Variants in RUNX1T1 observed in about 807,000 individuals in gnomAD.
RUNX1T1 encodes RUNX1 partner transcriptional co-repressor 1.
RUNX1T1 carries 4 observed loss-of-function variants against 62.8 expected under a neutral mutation model. The ratio of observed to expected loss-of-function variants is 0.06; its 90% CI spans 0.03 to 0.15. The LOEUF is 0.15. RUNX1T1 is among the 10% of genes least tolerant of loss of function. RUNX1T1 has a pLI of 1.00. For missense variants in RUNX1T1, 508 were observed against 754.3 expected, an observed-to-expected ratio of 0.67 and a Z score of 3.82; for synonymous variants, 291 against 286.0, an observed-to-expected ratio of 1.02 and a Z score of -0.18.
chr8:92,095,495 G>A, intron 1 of RUNX1T1: 2 of 1,521,068 alleles, frequency 1.3e-6, no homozygotes, highest in Non-Finnish European at 1.8e-6. Flanking sequence ...GTGAGCGCAG[G>A]AGGGAGAGGA....
chr8:92,009,641 G>C (rs1821553069), intron 4 of RUNX1T1: 2 of 142,086 alleles, frequency 1.4e-5, no homozygotes, highest in East Asian at 4.1e-4. Context: ...AGTGGTATTT[G>C]CACAGGAAAT....
downstream of RUNX1T1, chr8:91,954,973 T>C (rs914309630): frequency 5.2e-6 from 1 of 190,698 alleles, no homozygotes; most frequent in East Asian, 8.3e-5. Context: ...AGGACATGAT[T>C]AGGCAAACAC....
Position 91,982,536 on chromosome 8 carries a change from G to A in RUNX1T1, c.1198+3588C>T, listed in dbSNP as rs527328433. The stretch of plus-strand genomic sequence containing the variant: ...CAACTGCCTTTCTATACATATAAAA[G>A]TAATTCTACTTCAATGGTCAAATCT... On this transcript the variant is annotated intron_variant, in intron 8 of 10. Transcript: ENST00000396218. Among the ~76,000 whole-genome samples the A allele has an allele frequency of 9.9e-5, 15 of 152,272 alleles. No individual in the cohort carries two copies. The South Asian group carries it at 3.1e-3, about 32-fold the overall frequency.
At chr8:92,094,664 C>T (rs1275575332) in intron 1 of RUNX1T1, among the ~76,000 whole-genome samples, 1 of 152,154 alleles carries the variant, frequency 6.6e-6, no homozygotes. Context: ...AAAGCCTTTA[C>T]CCTCTTTTCT....
chr8:91,995,209 AT>A (rs1354528327), intron 5 of RUNX1T1, among the ~76,000 whole-genome samples: 2 of 152,186 alleles, frequency 1.3e-5, no homozygotes, highest in Admixed American at 6.5e-5. Flanking sequence ...CACTGGAGTA[AT>A]TTTAATAATT....
At chr8:92,087,119 A>G (rs542750045) in intron 1 of RUNX1T1, among the ~76,000 whole-genome samples, 1 of 152,188 alleles carries the variant, frequency 6.6e-6, no homozygotes, top group Non-Finnish European at 1.5e-5. Flanking sequence ...ATAAAAGCAG[A>G]GCTATTCTGC....
chr8:92,024,066 T>G (rs1277561461), intron 1 of RUNX1T1, among the ~76,000 whole-genome samples: 3 of 152,198 alleles, frequency 2.0e-5, no homozygotes, highest in African/African-American at 4.8e-5. Flanking sequence ...CTCATTCTAG[T>G]GAATACGAGG....
chr8:91,963,402 A>G (rs1810937790), intron 10 of RUNX1T1, among the ~76,000 whole-genome samples: 1 of 152,266 alleles, frequency 6.6e-6, no homozygotes, highest in Non-Finnish European at 1.5e-5. Context: ...GTGAATGTGT[A>G]GGGAACTTTA....
intron 4 of RUNX1T1, chr8:92,006,342 C>T (rs192282841): frequency 6.6e-6 from 1 of 152,068 alleles, no homozygotes; most frequent in Non-Finnish European, 1.5e-5. Flanking sequence ...AGCACTCATC[C>T]CCAATCACAC....
chr8:92,060,553 A>ATATATATATATATGTG, intron 1 of RUNX1T1, among the ~76,000 whole-genome samples: 3 of 63,944 alleles, frequency 4.7e-5, no homozygotes, highest in African/African-American at 1.2e-4. Context: ...ATATATATAT[A>ATATATATATATATGTG]TGTGTGTGTG....
chr8:92,028,196 CT>C (rs201238471), intron 1 of RUNX1T1, among the ~76,000 whole-genome samples: 1,379 of 118,768 alleles, frequency 0.012, 7 homozygotes, highest in East Asian at 0.044. Context: ...ATTAGTAATT[CT>C]TTTTTTTTTT....
intron 2 of RUNX1T1, among the ~76,000 whole-genome samples, chr8:92,070,432 T>C (rs527704936): frequency 9.2e-5 from 14 of 152,282 alleles, no homozygotes; most frequent in African/African-American, 3.1e-4. Context: ...GATACATAAA[T>C]AAACACGCAC....
At chr8:92,064,971 A>T (rs1832662633), upstream of RUNX1T1, among the ~76,000 whole-genome samples, 2 of 152,148 alleles carry the variant, frequency 1.3e-5, no homozygotes, top group Admixed American at 1.3e-4. Context: ...TCTCACCTAG[A>T]AGTCTGACTG....
intron 1 of RUNX1T1, chr8:92,017,617 T>C (rs1197782171): frequency 1.5e-6 from 2 of 1,353,036 alleles, no homozygotes; most frequent in Non-Finnish European, 1.9e-6. Flanking sequence ...CTTAGGCAGA[T>C]GCTACCTTGG....
chr8:92,030,242 T>A (rs1219284428), intron 1 of RUNX1T1, among the ~76,000 whole-genome samples: 1 of 152,160 alleles, frequency 6.6e-6, no homozygotes, highest in African/African-American at 2.4e-5. Context: ...TAATCTGTTT[T>A]TGTAGAGCTT....
rs796382834 is a variant in RUNX1T1 at position 92,007,058 on chromosome 8, T to C, written c.478-1761A>G. ...GAACATGTGGGTAATATATTGTATA[T>C]ATTTTTTAAACTATTTTTTGTCCTC... On this transcript the variant is annotated intron_variant, in intron 4 of 10. Transcript: ENST00000396218. 2.2e-4 allele frequency among the ~76,000 whole-genome samples: 33 copies of C among 152,366 alleles called. 1 individual carries two copies. The highest frequency in any genetic ancestry group is 7.9e-4 in the African/African-American group (33 of 41,592).
chr8:92,080,922 G>C (rs1190301271), intron 1 of RUNX1T1, among the ~76,000 whole-genome samples: 1 of 152,222 alleles, frequency 6.6e-6, no homozygotes, highest in African/African-American at 2.4e-5. Context: ...AATATGACCA[G>C]TGAGTTAACA....
At chr8:92,027,009 G>C (rs1385451907) in intron 1 of RUNX1T1, among the ~76,000 whole-genome samples, 1 of 143,942 alleles carries the variant, frequency 6.9e-6, no homozygotes, top group Non-Finnish European at 1.5e-5. Flanking sequence ...CCAGCTACTC[G>C]GGAGGCTGAG....
At chr8:91,957,324 T>C (rs1199606633), downstream of RUNX1T1, 1 of 224,596 alleles carries the variant, frequency 4.5e-6, no homozygotes, top group Non-Finnish European at 8.9e-6. Context: ...CCTGGTTCTT[T>C]TGTGCCCATT....
Sources: gnomAD v4.1 joint callset for allele counts (sites outside exome capture counted in the v4.1 genomes callset) on GRCh38, gnomAD v4.1.1 for gene constraint, MANE v1.5 for transcripts, NCBI Gene and HGNC (gene_info 2026-07-23, HGNC 2026-07-21) for gene names.